Variants in GRID2 observed in about 807,000 individuals in gnomAD.
GRID2 encodes the protein glutamate receptor ionotropic, delta-2.
A neutral mutation model predicts 114.8 loss-of-function variants in GRID2; 33 were observed. That is an observed-to-expected ratio of 0.29 (90% CI 0.22 to 0.38). GRID2 has a LOEUF of 0.38. Ranked by LOEUF, GRID2 falls within the 10% of genes least tolerant of loss-of-function variation. The probability of loss-of-function intolerance (pLI) is 1.00; values close to 1 mark genes in which losing one functional copy is unlikely to be tolerated. For missense variants in GRID2, 1,184 were observed against 1,257.7 expected, an observed-to-expected ratio of 0.94 and a Z score of 0.89; for synonymous variants, 505 against 449.9, an observed-to-expected ratio of 1.12 and a Z score of -1.55.
chr4:92,922,070 C>T (rs1292265339), intron 2 of GRID2, among the ~76,000 whole-genome samples: 1 of 152,184 alleles, frequency 6.6e-6, no homozygotes, highest in Non-Finnish European at 1.5e-5. Flanking sequence ...CTCAGCCTTG[C>T]TGCTGCCTTG....
intron 14 of GRID2, among the ~76,000 whole-genome samples, chr4:93,759,181 C>T (rs2110304938): frequency 6.6e-6 from 1 of 152,054 alleles, no homozygotes; most frequent in East Asian, 1.9e-4. Context: ...CACTAGTCAC[C>T]AAAGTCTTGA....
chr4:92,368,117 T>G (rs865820551), intron 1 of GRID2, among the ~76,000 whole-genome samples: 1 of 152,036 alleles, frequency 6.6e-6, no homozygotes, highest in Non-Finnish European at 1.5e-5. Context: ...GGCCCAAGTA[T>G]GGGTGCGGGT....
intron 2 of GRID2, among the ~76,000 whole-genome samples, chr4:92,645,554 T>G (rs968287196): frequency 6.6e-6 from 1 of 151,772 alleles, no homozygotes; most frequent in African/African-American, 2.4e-5. Context: ...CCATGAACTG[T>G]GATACATCTA....
chr4:93,768,986 TG>T (rs1157167624), intron 14 of GRID2, among the ~76,000 whole-genome samples: 1 of 127,698 alleles, frequency 7.8e-6, no homozygotes, highest in African/African-American at 2.9e-5. Context: ...GAGGGTGGGA[TG>T]GGTGAAGAGA....
intron 2 of GRID2, among the ~76,000 whole-genome samples, chr4:92,606,788 A>G (rs1433360480): frequency 1.3e-5 from 2 of 151,998 alleles, no homozygotes; most frequent in African/African-American, 4.8e-5. Context: ...TTTAACCAAC[A>G]TCATTATTTA....
At chr4:93,400,285 C>A (rs554956287) in intron 9 of GRID2, among the ~76,000 whole-genome samples, 1 of 151,972 alleles carries the variant, frequency 6.6e-6, no homozygotes. Flanking sequence ...TGTATTCAAC[C>A]ATCACCAAAG....
intron 2 of GRID2, among the ~76,000 whole-genome samples, chr4:93,041,298 G>A (rs995392059): frequency 3.3e-5 from 5 of 152,082 alleles, no homozygotes; most frequent in African/African-American, 1.2e-4. Flanking sequence ...TAACTTACAG[G>A]GCACTGCTTA....
At chr4:92,993,272 C>T (rs1755012578) in intron 2 of GRID2, among the ~76,000 whole-genome samples, 1 of 149,118 alleles carries the variant, frequency 6.7e-6, no homozygotes, top group African/African-American at 2.5e-5. Flanking sequence ...ATTGTAAGTA[C>T]CAAAAATAAT....
At chr4:93,742,560 C>T (rs1578713461) in intron 14 of GRID2, among the ~76,000 whole-genome samples, 3 of 152,352 alleles carry the variant, frequency 2.0e-5, no homozygotes, top group East Asian at 1.9e-4. Context: ...AGCATGTGCT[C>T]ACTGTGTCTC....
At chr4:93,474,862 C>T (rs1291339821) in intron 11 of GRID2, among the ~76,000 whole-genome samples, 2 of 152,148 alleles carry the variant, frequency 1.3e-5, no homozygotes, top group Non-Finnish European at 2.9e-5. Context: ...AATAAGAATA[C>T]AGTTCTAAAA....
intron 4 of GRID2, among the ~76,000 whole-genome samples, chr4:93,135,186 G>A (rs1175187024): frequency 2.6e-5 from 4 of 152,136 alleles, no homozygotes; most frequent in African/African-American, 7.2e-5. Flanking sequence ...AAAATGTTCG[G>A]TGAAGTCTTA....
chr4:93,177,815 A>G (rs1739487237), intron 4 of GRID2, among the ~76,000 whole-genome samples: 1 of 152,062 alleles, frequency 6.6e-6, no homozygotes, highest in Admixed American at 6.6e-5. Context: ...ACTACCATTA[A>G]CTAGTAGTTT....
At chr4:92,367,047 A>T (rs1326266095) in intron 1 of GRID2, among the ~76,000 whole-genome samples, 3 of 152,062 alleles carry the variant, frequency 2.0e-5, no homozygotes, top group Non-Finnish European at 4.4e-5. Context: ...TACCATTGAC[A>T]TTCTGCCATT....
intron 14 of GRID2, among the ~76,000 whole-genome samples, chr4:93,667,590 G>T (rs1724060816): frequency 6.6e-6 from 1 of 151,906 alleles, no homozygotes; most frequent in African/African-American, 2.4e-5. Context: ...AAGAGTCCCA[G>T]GATATACCAT....
At chr4:93,238,322 TA>T in intron 7 of GRID2, 48 bp from the exon 8 acceptor site, 1 of 1,397,386 alleles carries the variant, frequency 7.2e-7, no homozygotes, top group Non-Finnish European at 9.8e-7. Flanking sequence ...TTTATTTATT[TA>T]TTTTTTTACT....
chr4:93,321,409 G>A (rs1313530239), intron 8 of GRID2, among the ~76,000 whole-genome samples: 1 of 152,060 alleles, frequency 6.6e-6, no homozygotes, highest in Non-Finnish European at 1.5e-5. Context: ...TTAGCAACTA[G>A]TTATACAGGT....
At chr4:92,654,051 C>A (rs1484783764) in intron 2 of GRID2, among the ~76,000 whole-genome samples, 3 of 152,088 alleles carry the variant, frequency 2.0e-5, no homozygotes, top group Non-Finnish European at 4.4e-5. Context: ...TGTGATATTG[C>A]TGGACCATTA....
intron 8 of GRID2, among the ~76,000 whole-genome samples, chr4:93,365,653 G>C (rs528298605): frequency 6.6e-6 from 1 of 152,144 alleles, no homozygotes; most frequent in African/African-American, 2.4e-5. Context: ...AGCAGGTAGT[G>C]AATAAGAGAA....
intron 2 of GRID2, among the ~76,000 whole-genome samples, chr4:92,620,311 A>C (rs536436683): frequency 9.2e-5 from 14 of 151,824 alleles, no homozygotes; most frequent in Non-Finnish European, 1.9e-4. Flanking sequence ...GGGTCAAAAA[A>C]CTGAAATAAA....
Sources: allele counts gnomAD v4.1 joint callset (sites outside exome capture counted in the v4.1 genomes callset), GRCh38; gene constraint gnomAD v4.1.1; transcripts MANE v1.5; gene names NCBI Gene and HGNC (gene_info 2026-07-23, HGNC 2026-07-21).